The following MMD2 variants were observed in gnomAD, a reference collection of about 807,000 sequenced individuals.
MMD2 encodes the protein monocyte to macrophage differentiation associated 2, also known as monocyte to macrophage differentiation factor 2.
In MMD2, 30 loss-of-function variants were observed where a neutral mutation model predicts 33.5. The ratio of observed to expected loss-of-function variants is 0.90; its 90% CI spans 0.67 to 1.22. The LOEUF is 1.22. Ranked by LOEUF, MMD2 falls within the 50% of genes most tolerant of loss-of-function variation. The pLI, the probability that MMD2 is intolerant of heterozygous loss-of-function variation, is 0.00. For missense variants in MMD2, 364 were observed against 325.4 expected, an observed-to-expected ratio of 1.12 and a Z score of -0.91; for synonymous variants, 129 against 123.0, an observed-to-expected ratio of 1.05 and a Z score of -0.32.
At chr7:4,916,180 T>A (rs1207573561) in intron 3 of MMD2, 101 bp from the exon 4 acceptor site, 2 of 1,093,578 alleles carry the variant, frequency 1.8e-6, no homozygotes. Flanking sequence ...GCCTACAGGT[T>A]AGCAGGGCTG....
chr7:4,955,351 G>A (rs113756700), intron 1 of MMD2, among the ~76,000 whole-genome samples: 212 of 152,274 alleles, frequency 1.4e-3, no homozygotes, highest in African/African-American at 4.9e-3. Flanking sequence ...TAGAACCTAG[G>A]GGGTTAGCTG....
At chr7:4,922,607 C>G (rs1785316574) in intron 2 of MMD2, among the ~76,000 whole-genome samples, 1 of 152,066 alleles carries the variant, frequency 6.6e-6, no homozygotes, top group Non-Finnish European at 1.5e-5. Flanking sequence ...TGGAATCGCT[C>G]TCTGTTGCCC....
At position 4,915,991 on chromosome 7, in the gene MMD2, G is replaced by A. The variant is rs769700771; in HGVS notation, c.365+14C>T. 18 of 1,612,986 alleles carry A rather than the reference G, an allele frequency of 1.1e-5. No homozygotes were observed. The highest frequency in any genetic ancestry group is 9.9e-5 in the South Asian group (9 of 91,050). ...GGCCGCCAAGGGTTTGCTGGGCGGCGGGACGGTACTCACCAGGGTGCGTAG... is the reference window on the plus strand; with the variant it reads ...GGCCGCCAAGGGTTTGCTGGGCGGCAGGACGGTACTCACCAGGGTGCGTAG... On this transcript the variant is annotated intron_variant, in intron 4 of 6. Coordinates refer to ENST00000401401, the MANE Select transcript of MMD2 (RefSeq NM_198403.4).
chr7:4,939,150 T>C (rs1448161323), intron 1 of MMD2, among the ~76,000 whole-genome samples: 4 of 151,942 alleles, frequency 2.6e-5, no homozygotes, highest in African/African-American at 4.8e-5. Context: ...TGCAGTCAGC[T>C]GAGATCGTGC....
At chr7:4,920,392 T>G (rs1247391102) in intron 2 of MMD2, 61 bp from the exon 3 acceptor site, 78 of 1,544,432 alleles carry the variant, frequency 5.1e-5, no homozygotes, top group Non-Finnish European at 1.8e-6. Flanking sequence ...GCACACCTCC[T>G]GCCCCTTCCC....
intron 1 of MMD2, among the ~76,000 whole-genome samples, chr7:4,952,681 C>G (rs1021628161): frequency 7.1e-6 from 1 of 141,070 alleles, no homozygotes; most frequent in African/African-American, 2.6e-5. Flanking sequence ...TTGCGTGCTC[C>G]GTATGAGATT....
chr7:4,958,179 C>T (rs1786439380), intron 1 of MMD2, among the ~76,000 whole-genome samples: 1 of 152,188 alleles, frequency 6.6e-6, no homozygotes, highest in South Asian at 2.1e-4. Flanking sequence ...CGGGTCTGTG[C>T]TCGCCGAAGA....
intron 3 of MMD2, among the ~76,000 whole-genome samples, chr7:4,918,136 G>C (rs1196828188): frequency 6.6e-6 from 1 of 152,158 alleles, no homozygotes; most frequent in Admixed American, 6.5e-5. Flanking sequence ...GCCAGCCTCT[G>C]ACTACAGGAA....
chr7:4,903,484 C>G (rs1784821447), downstream of MMD2, among the ~76,000 whole-genome samples: 1 of 152,300 alleles, frequency 6.6e-6, no homozygotes, highest in Middle Eastern at 3.4e-3. Context: ...TCACACCACA[C>G]CTTCAGCTTC....
At chr7:4,939,026 G>T (rs1371897497) in intron 1 of MMD2, among the ~76,000 whole-genome samples, 2 of 151,838 alleles carry the variant, frequency 1.3e-5, no homozygotes, top group Non-Finnish European at 2.9e-5. Flanking sequence ...TGGCCAACAT[G>T]GTGAAACCCC....
intron 4 of MMD2, 85 bp downstream of exon 4, chr7:4,915,920 C>T (rs1199777413): frequency 1.9e-5 from 27 of 1,403,202 alleles, no homozygotes; most frequent in African/African-American, 2.9e-5. Context: ...CAAGTCAACA[C>T]ATTACCCAGC....
chr7:4,929,805 G>A (rs556614790), intron 1 of MMD2, among the ~76,000 whole-genome samples: 2 of 152,014 alleles, frequency 1.3e-5, no homozygotes, highest in Non-Finnish European at 2.9e-5. Flanking sequence ...CTACAGGCGT[G>A]AGCCACTGTG....
rs576277121 is a variant in MMD2 at position 4,932,067 on chromosome 7, C to G, written c.48-6535G>C. Among the ~76,000 whole-genome samples the G allele has an allele frequency of 9.8e-5, 15 of 152,324 alleles. No homozygotes were observed. The East Asian group carries it at 2.3e-3, about 23-fold the overall frequency. ...TGCAGGCCTGCAGCCCTGGCTTCCC[C>G]TGCTCCTGTAACAAACACCAGGAAA... On this transcript the variant is annotated intron_variant, in intron 1 of 6. Coordinates refer to ENST00000401401, the MANE Select transcript of MMD2 (RefSeq NM_198403.4).
intron 1 of MMD2, among the ~76,000 whole-genome samples, chr7:4,953,734 G>A (rs931687790): frequency 2.0e-5 from 3 of 152,160 alleles, no homozygotes; most frequent in African/African-American, 7.2e-5. Flanking sequence ...GCTTCCCAAA[G>A]TGCTGGAATT....
At chr7:4,945,526 A>T (rs191397112) in intron 1 of MMD2, among the ~76,000 whole-genome samples, 164 of 150,960 alleles carry the variant, frequency 1.1e-3, no homozygotes, top group African/African-American at 3.7e-3. Context: ...TTGGCCTCTC[A>T]AAGTGCTGGG....
At chr7:4,926,272 T>G (rs893055663) in intron 1 of MMD2, among the ~76,000 whole-genome samples, 2 of 152,108 alleles carry the variant, frequency 1.3e-5, no homozygotes, top group Non-Finnish European at 2.9e-5. Flanking sequence ...TAAATTTTTT[T>G]GTATTTTTTA....
At chr7:4,919,904 C>A (rs546279033) in intron 3 of MMD2, among the ~76,000 whole-genome samples, 18 of 152,284 alleles carry the variant, frequency 1.2e-4, no homozygotes, top group African/African-American at 3.6e-4. Flanking sequence ...TCAGAAAAAA[C>A]AAAAAGCAAC....
chr7:4,928,717 A>G (rs986486924), intron 1 of MMD2, among the ~76,000 whole-genome samples: 4 of 147,002 alleles, frequency 2.7e-5, no homozygotes, highest in African/African-American at 1.0e-4. Context: ...AGCATTTATT[A>G]AGCACCCTCT....
At chr7:4,942,722 C>T (rs1785944857) in intron 1 of MMD2, among the ~76,000 whole-genome samples, 1 of 151,816 alleles carries the variant, frequency 6.6e-6, no homozygotes, top group Non-Finnish European at 1.5e-5. Context: ...AAGCGATTCT[C>T]CTGCCTCCGC....
Sources: gnomAD v4.1 joint callset for allele counts (sites outside exome capture counted in the v4.1 genomes callset) on GRCh38, gnomAD v4.1.1 for gene constraint, MANE v1.5 for transcripts, NCBI Gene and HGNC (gene_info 2026-07-23, HGNC 2026-07-21) for gene names.